The following BLM variants were observed in gnomAD, a reference collection of about 807,000 sequenced individuals.
BLM encodes BLM RecQ like helicase.
BLM carries 95 observed loss-of-function variants against 135.3 expected under a neutral mutation model. The ratio of observed to expected loss-of-function variants is 0.70; its 90% confidence interval spans 0.59 to 0.83. The LOEUF is 0.83. BLM is among the 40% of genes least tolerant of loss of function. The probability of loss-of-function intolerance (pLI) is 0.00; values close to 1 mark genes in which losing one functional copy is unlikely to be tolerated. For missense variants in BLM, 1,518 were observed against 1,663.9 expected, an observed-to-expected ratio of 0.91 and a Z score of 1.53; for synonymous variants, 520 against 589.2, an observed-to-expected ratio of 0.88 and a Z score of 1.70.
At chr15:90,756,801 A>G (rs917644266) in intron 5 of BLM, among the ~76,000 whole-genome samples, 2 of 152,206 alleles carry the variant, frequency 1.3e-5, no homozygotes, top group African/African-American at 4.8e-5. Flanking sequence ...AGGCAGCAAG[A>G]AGGAATGGGT....
intron 3 of BLM, among the ~76,000 whole-genome samples, chr15:90,750,881 A>G (rs956765792): frequency 6.6e-6 from 1 of 152,220 alleles, no homozygotes; most frequent in Non-Finnish European, 1.5e-5. Context: ...GATTTCAGGC[A>G]TCCACCGGGG....
In BLM at chr15:90,815,461, C is replaced by A; in HGVS notation, c.*182C>A. 1 of 709,186 alleles carries A rather than the reference C, an allele frequency of 1.4e-6. No individual in the cohort carries two copies. The highest frequency in any genetic ancestry group is 2.2e-6 in the Non-Finnish European group (1 of 445,030). 43.9% of individuals were successfully genotyped at this position (709,186 alleles called of 1,614,324 possible). ...AAATAAACATTTTCTTTTGAATAAG[C>A]ATGTTTTGCTGCCGCTGCAAGTGTT... is the stretch of plus-strand genomic sequence containing the variant. On this transcript the variant is annotated 3_prime_UTR_variant, in exon 22 of 22. Coordinates refer to ENST00000355112, the MANE Select transcript of BLM (RefSeq NM_000057.4). This position sits in a 1 kb window ranked among gnomAD's most constrained non-coding sequence, Gnocchi z 4.6.
intron 12 of BLM, among the ~76,000 whole-genome samples, chr15:90,781,308 C>G (rs751141041): frequency 1.3e-5 from 2 of 152,054 alleles, no homozygotes; most frequent in African/African-American, 2.4e-5. Flanking sequence ...AGAAGAAGAA[C>G]GATTGTCTTG....
At chr15:90,780,821 T>C (rs889911062) in intron 12 of BLM, among the ~76,000 whole-genome samples, 3 of 152,224 alleles carry the variant, frequency 2.0e-5, no homozygotes, top group Non-Finnish European at 4.4e-5. Flanking sequence ...TTACATGGCA[T>C]TTATTTAATA....
chr15:90,799,704 A>G (rs202123161), intron 17 of BLM, among the ~76,000 whole-genome samples: 1 of 108,994 alleles, frequency 9.2e-6, no homozygotes, highest in Admixed American at 8.3e-5. Context: ...AGACATGTCA[A>G]AGAGGAAAAA....
chr15:90,815,012 G>A lies in BLM; in HGVS notation c.4077-90G>A. ...ACAAGGACACATTAGGCCCAGGGAA[G>A]TGGTATTGTAGCTCTGTGCAGGTTG... On this transcript the variant is annotated intron_variant, in intron 21 of 21. Coordinates refer to ENST00000355112, the MANE Select transcript of BLM (RefSeq NM_000057.4). This position sits in a 1 kb window ranked among gnomAD's most constrained non-coding sequence, Gnocchi z 4.6. 1 of 1,322,910 alleles carries A rather than the reference G, an allele frequency of 7.6e-7. No homozygotes were observed. The highest frequency in any genetic ancestry group is 2.3e-5 in the East Asian group (1 of 42,918). The allele number at this position is 1,322,910 out of a possible 1,614,324, so 81.9% of individuals were successfully genotyped here.
At position 90,760,264 on chromosome 15, in the gene BLM, A is replaced by G; in HGVS notation, c.1205A>G (p.Gln402Arg). 1.2e-6 allele frequency: 2 copies of G among 1,614,168 alleles called. No individual in the cohort carries two copies. The highest frequency in any genetic ancestry group is 8.5e-7 in the Non-Finnish European group (1 of 1,180,016). ...KLLDCGNELLQQRNIRRKLLT... is the reference protein window; with the variant it reads ...KLLDCGNELLRQRNIRRKLLT... The stretch of plus-strand genomic sequence containing the variant: ...TTGGATTGTGGGAACGAACTGCTTC[A>G]GCAGCGGAACATAAGGTATCTTAAT... The change falls in exon 6 of 22, where the codon CAG becomes CGG. Residue 402 changes from glutamine to arginine, a missense_variant. Physicochemically the swap from Gln to Arg is conservative, Grantham distance 43. Around this residue, in one of 5 missense-constraint regions of BLM, gnomAD observed 724 missense variants for 756.9 expected, o/e 0.96. Coordinates refer to ENST00000355112, the MANE Select transcript of BLM (RefSeq NM_000057.4).
At chr15:90,791,400 A>T (rs1191442470) in intron 15 of BLM, among the ~76,000 whole-genome samples, 1 of 152,026 alleles carries the variant, frequency 6.6e-6, no homozygotes, top group Non-Finnish European at 1.5e-5. Flanking sequence ...GGATTATATT[A>T]TACATACTTT....
intron 1 of BLM, among the ~76,000 whole-genome samples, chr15:90,745,857 C>T (rs996046163): frequency 3.9e-5 from 6 of 152,194 alleles, no homozygotes; most frequent in Admixed American, 1.3e-4. Flanking sequence ...GGGAGAATGA[C>T]TTGAGCTCAG....
At chr15:90,796,472 A>G (rs990907050) in intron 16 of BLM, among the ~76,000 whole-genome samples, 3 of 152,216 alleles carry the variant, frequency 2.0e-5, no homozygotes, top group African/African-American at 7.2e-5. Flanking sequence ...CAGCTTTGCC[A>G]TTGTAGTCTA....
chr15:90,795,773 T>C (rs1897014849), intron 16 of BLM, among the ~76,000 whole-genome samples: 1 of 152,056 alleles, frequency 6.6e-6, no homozygotes. Context: ...ATATACACAA[T>C]AAATATACAT....
chr15:90,807,223 C>T (rs1350626596), intron 19 of BLM, among the ~76,000 whole-genome samples: 1 of 152,114 alleles, frequency 6.6e-6, no homozygotes, highest in East Asian at 1.9e-4. Context: ...TTGATGATAC[C>T]AGAAGGTGTC....
rs1596267747 is a variant in BLM, at chr15:90,803,703, C to T, written c.3541C>T (p.Leu1181=). 1 of 1,614,050 alleles carries T rather than the reference C, an allele frequency of 6.2e-7. No homozygotes were observed. Among genetic ancestry groups the T allele is most frequent in the Non-Finnish European group, 8.5e-7 (1 of 1,179,968 alleles). The change falls in exon 18 of 22, where the codon CTA becomes TTA. Residue 1181 remains leucine (L), a synonymous_variant. Coordinates refer to ENST00000355112, the MANE Select transcript of BLM (RefSeq NM_000057.4). The part of the protein sequence containing the change: ...VMLGNKAQTV[L]NGNLKVDFME... Reference sequence around the variant, plus strand: ...GCTCGGAAATAAAGCCCAAACTGTACTAAATGGCAATTTAAAGGTATAGTA... The same window carrying T: ...GCTCGGAAATAAAGCCCAAACTGTATTAAATGGCAATTTAAAGGTATAGTA...
intron 1 of BLM, among the ~76,000 whole-genome samples, chr15:90,739,244 CAG>C (rs1420164294): frequency 6.6e-6 from 1 of 151,858 alleles, no homozygotes. Flanking sequence ...AAATACAAAA[CAG>C]AAAAATTAGC....
chr15:90,730,649 T>C (rs1398296221), intron 1 of BLM, among the ~76,000 whole-genome samples: 1 of 152,074 alleles, frequency 6.6e-6, no homozygotes, highest in Admixed American at 6.6e-5. Flanking sequence ...GGTTTCACCA[T>C]ATTGGCCAGA....
intron 17 of BLM, among the ~76,000 whole-genome samples, chr15:90,799,283 A>G (rs1371290273): frequency 8.5e-5 from 13 of 152,114 alleles, no homozygotes; most frequent in Admixed American, 7.9e-4. Flanking sequence ...ACTCCTTAGT[A>G]TCGTCTTAAA....
intron 12 of BLM, among the ~76,000 whole-genome samples, chr15:90,771,355 C>T (rs548701059): frequency 2.2e-4 from 33 of 152,062 alleles, no homozygotes; most frequent in Non-Finnish European, 4.0e-4. Context: ...GGCCTACTGG[C>T]GTGCGCCTGT....
At chr15:90,773,019 C>A (rs1165098924) in intron 12 of BLM, among the ~76,000 whole-genome samples, 3 of 150,048 alleles carry the variant, frequency 2.0e-5, no homozygotes, top group African/African-American at 7.4e-5. Flanking sequence ...ATCACTTGAA[C>A]CCGGGAGGCG....
At chr15:90,784,203 G>A (rs1896684638) in intron 13 of BLM, among the ~76,000 whole-genome samples, 1 of 151,216 alleles carries the variant, frequency 6.6e-6, no homozygotes, top group Admixed American at 6.6e-5. Context: ...TAAAACTTTT[G>A]TTTATGTCCT....
Sources: allele counts gnomAD v4.1 joint callset (sites outside exome capture counted in the v4.1 genomes callset), GRCh38; gene constraint gnomAD v4.1.1; regional missense constraint gnomAD v4.1.1; non-coding constraint Gnocchi (gnomAD v3.1); transcripts MANE v1.5; gene names NCBI Gene and HGNC (gene_info 2026-07-23, HGNC 2026-07-21).